The following FHIT variants were observed in gnomAD, a reference collection of about 807,000 sequenced individuals.
FHIT encodes fragile histidine triad diadenosine triphosphatase.
Under a neutral mutation model 17.9 loss-of-function variants are expected in FHIT, and 19 were observed. That is an observed-to-expected ratio of 1.06 (90% CI 0.74 to 1.56). The LOEUF is 1.56. Ranked by LOEUF, FHIT falls within the 40% of genes most tolerant of loss-of-function variation. FHIT has a pLI of 0.00. For synonymous variants in FHIT, 81 were observed against 69.7 expected (o/e 1.16, Z -0.81); for missense variants, 248 against 189.2 (o/e 1.31, Z -1.82).
intron 2 of FHIT, among the ~76,000 whole-genome samples, chr3:61,163,209 C>T (rs2037745629): frequency 2.6e-5 from 4 of 152,134 alleles, no homozygotes; most frequent in Admixed American, 2.6e-4. Context: ...CAATTATAGC[C>T]TCCATAAACA....
chr3:60,005,109 A>T (rs761551848), intron 7 of FHIT, among the ~76,000 whole-genome samples: 1 of 152,108 alleles, frequency 6.6e-6, no homozygotes, highest in Non-Finnish European at 1.5e-5. Flanking sequence ...GTATGCTTTA[A>T]CTTCCCTGCA....
chr3:60,474,491 A>G (rs2033246159), intron 5 of FHIT, among the ~76,000 whole-genome samples: 1 of 152,214 alleles, frequency 6.6e-6, no homozygotes, highest in African/African-American at 2.4e-5. Flanking sequence ...TAGAAATTCT[A>G]CAATATTCAT....
chr3:60,885,860 A>T (rs1308540326), intron 3 of FHIT, among the ~76,000 whole-genome samples: 1 of 152,096 alleles, frequency 6.6e-6, no homozygotes, highest in Non-Finnish European at 1.5e-5. Flanking sequence ...CCTTTACACC[A>T]ATAACCTCTG....
intron 5 of FHIT, among the ~76,000 whole-genome samples, chr3:60,138,786 ACCACTACTTCTG>A (rs1305587057): frequency 2.0e-5 from 3 of 152,110 alleles, no homozygotes; most frequent in Non-Finnish European, 4.4e-5. Context: ...CACGAGGAGT[ACCACTACTTCTG>A]CCACCATCAG....
intron 5 of FHIT, among the ~76,000 whole-genome samples, chr3:60,380,977 G>A (rs1198509643): frequency 6.6e-6 from 1 of 152,126 alleles, no homozygotes; most frequent in Non-Finnish European, 1.5e-5. Context: ...GCCACACAGA[G>A]TGTTCCTAGT....
intron 5 of FHIT, among the ~76,000 whole-genome samples, chr3:60,217,607 C>G (rs1703757807): frequency 6.6e-6 from 1 of 152,182 alleles, no homozygotes; most frequent in African/African-American, 2.4e-5. Flanking sequence ...CTACGCTAGT[C>G]CACATGGACC....
intron 7 of FHIT, among the ~76,000 whole-genome samples, chr3:59,966,360 A>G (rs1707926423): frequency 6.6e-6 from 1 of 152,180 alleles, no homozygotes; most frequent in East Asian, 1.9e-4. Flanking sequence ...CTGGATCTAA[A>G]TACTGTATAA....
At chr3:59,910,467 C>T (rs1189634501) in intron 8 of FHIT, among the ~76,000 whole-genome samples, 1 of 152,168 alleles carries the variant, frequency 6.6e-6, no homozygotes, top group Non-Finnish European at 1.5e-5. Flanking sequence ...TTTCCTTTCA[C>T]ATTTCCCCCC....
intron 8 of FHIT, among the ~76,000 whole-genome samples, chr3:59,767,591 A>G (rs1269856104): frequency 6.6e-6 from 1 of 152,168 alleles, no homozygotes; most frequent in African/African-American, 2.4e-5. Context: ...TGGAAACATC[A>G]AAGGACTGGA....
At chr3:60,064,563 C>G (rs577780908) in intron 5 of FHIT, among the ~76,000 whole-genome samples, 55 of 152,312 alleles carry the variant, frequency 3.6e-4, no homozygotes, top group African/African-American at 1.2e-3. Flanking sequence ...ACAGAACCTA[C>G]CTACCATGTG....
At chr3:60,896,185 C>T (rs371528728) in intron 3 of FHIT, among the ~76,000 whole-genome samples, 9 of 152,028 alleles carry the variant, frequency 5.9e-5, no homozygotes, top group East Asian at 1.9e-4. Flanking sequence ...CCCCTGCCAC[C>T]GATGGAAAAA....
chr3:61,167,546 T>C (rs1313486739), intron 2 of FHIT, among the ~76,000 whole-genome samples: 1 of 148,876 alleles, frequency 6.7e-6, no homozygotes, highest in Non-Finnish European at 1.5e-5. Context: ...GGAGAATCAC[T>C]TGAACCTGGG....
intron 3 of FHIT, among the ~76,000 whole-genome samples, chr3:60,827,923 A>C (rs141748553): frequency 6.4e-4 from 98 of 152,390 alleles, no homozygotes; most frequent in Non-Finnish European, 1.0e-3. Context: ...CTCAGGACAC[A>C]TGAGGACAGA....
rs531295247 is a variant in FHIT at position 60,075,794 on chromosome 3, G to T, written c.104-61642C>A. Among the ~76,000 whole-genome samples, 28 of 152,148 alleles carry T rather than the reference G, an allele frequency of 1.8e-4. No individual in the cohort carries two copies. In the South Asian group the frequency reaches 5.8e-3, roughly 32 times the overall value. ...AAAGAGAATAGTTTTCTTGGGTCCTGGTCCTGAGGCCTGGCATTCTCATGA... is the reference window on the plus strand; with the variant it reads ...AAAGAGAATAGTTTTCTTGGGTCCTTGTCCTGAGGCCTGGCATTCTCATGA... On this transcript the variant is annotated intron_variant, in intron 5 of 9. Transcript: ENST00000492590.
At chr3:60,711,871 T>G (rs2041543256) in intron 4 of FHIT, among the ~76,000 whole-genome samples, 1 of 152,274 alleles carries the variant, frequency 6.6e-6, no homozygotes, top group Admixed American at 6.5e-5. Context: ...CCAGGAGAAC[T>G]TCCACAATCT....
chr3:59,760,513 G>T (rs1344682918), intron 8 of FHIT, among the ~76,000 whole-genome samples: 1 of 149,740 alleles, frequency 6.7e-6, no homozygotes, highest in Non-Finnish European at 1.5e-5. Context: ...AAACCTCCAC[G>T]AACCAAGGTG....
At chr3:60,677,932 CATTATCTAG>C (rs2040660752) in intron 4 of FHIT, among the ~76,000 whole-genome samples, 1 of 152,138 alleles carries the variant, frequency 6.6e-6, no homozygotes, top group African/African-American at 2.4e-5. Flanking sequence ...ATTTCCTCTA[CATTATCTAG>C]ATTGTGAGTG....
At chr3:60,748,836 C>A (rs2042410384) in intron 4 of FHIT, among the ~76,000 whole-genome samples, 2 of 152,044 alleles carry the variant, frequency 1.3e-5, no homozygotes, top group African/African-American at 4.8e-5. Flanking sequence ...AAAATCATAT[C>A]TAGATTACTT....
intron 3 of FHIT, among the ~76,000 whole-genome samples, chr3:60,925,726 T>C (rs1707563179): frequency 6.6e-6 from 1 of 152,170 alleles, no homozygotes; most frequent in Non-Finnish European, 1.5e-5. Context: ...ACCTTAAATG[T>C]AAATGGGCTA....
Sources: gnomAD v4.1 joint callset for allele counts (sites outside exome capture counted in the v4.1 genomes callset) on GRCh38, gnomAD v4.1.1 for gene constraint, MANE v1.5 for transcripts, NCBI Gene and HGNC (gene_info 2026-07-23, HGNC 2026-07-21) for gene names.